The following AGBL4 variants were observed in gnomAD, a reference collection of about 807,000 sequenced individuals.
The protein encoded by AGBL4 is cytosolic carboxypeptidase 6.
Under a neutral mutation model 66.4 loss-of-function variants are expected in AGBL4, and 58 were observed. The observed-to-expected ratio is 0.87, with a 90% confidence interval of 0.71 to 1.09. AGBL4 has a LOEUF of 1.09. Among genes scored for constraint, AGBL4 ranks in the 50% least tolerant of loss-of-function variants. The pLI is 0.00. For synonymous variants in AGBL4, 234 were observed against 222.9 expected, an observed-to-expected ratio of 1.05 and a Z score of -0.44; for missense variants, 579 against 631.0, an observed-to-expected ratio of 0.92 and a Z score of 0.88.
chr1:49,787,458 A>G (rs935542170), intron 2 of AGBL4, among the ~76,000 whole-genome samples: 3 of 151,556 alleles, frequency 2.0e-5, no homozygotes, highest in South Asian at 4.2e-4. Context: ...AGCCGAGATC[A>G]AGCCACTGCA....
intron 2 of AGBL4, among the ~76,000 whole-genome samples, chr1:49,804,220 C>A (rs1055888167): frequency 6.6e-6 from 1 of 152,178 alleles, no homozygotes. Context: ...CCGTGTCCAA[C>A]CCTTTGAATG....
intron 4 of AGBL4, among the ~76,000 whole-genome samples, chr1:49,209,611 C>T (rs149943339): frequency 6.6e-6 from 1 of 152,206 alleles, no homozygotes; most frequent in Non-Finnish European, 1.5e-5. Flanking sequence ...AAGGCTTGAT[C>T]AGAGAAGGGC....
At chr1:49,163,155 T>A (rs1646570050) in intron 4 of AGBL4, among the ~76,000 whole-genome samples, 1 of 152,238 alleles carries the variant, frequency 6.6e-6, no homozygotes, top group African/African-American at 2.4e-5. Context: ...TGCCTCATCA[T>A]CAAGCTAGCA....
At chr1:49,769,702 C>A (rs1386288796) in intron 2 of AGBL4, among the ~76,000 whole-genome samples, 2 of 152,112 alleles carry the variant, frequency 1.3e-5, no homozygotes, top group African/African-American at 4.8e-5. Flanking sequence ...CCAACAAAAA[C>A]GATGGGGACA....
chr1:49,759,244 T>C (rs544551111), intron 2 of AGBL4, among the ~76,000 whole-genome samples: 2 of 152,252 alleles, frequency 1.3e-5, no homozygotes, highest in African/African-American at 2.4e-5. Context: ...CTCTGATATG[T>C]GATAAAAAAT....
intron 3 of AGBL4, among the ~76,000 whole-genome samples, chr1:49,560,518 G>A (rs947852730): frequency 6.6e-6 from 1 of 152,056 alleles, no homozygotes; most frequent in African/African-American, 2.4e-5. Context: ...TGGCCTCAAA[G>A]ACAAGACTGA....
chr1:48,531,410 A>AGC (rs1202571779), downstream of AGBL4, among the ~76,000 whole-genome samples: 1 of 152,134 alleles, frequency 6.6e-6, no homozygotes, highest in African/African-American at 2.4e-5. Context: ...CGGAGCATTC[A>AGC]GCTTCCAACC....
At chr1:49,270,388 G>T (rs1004559805) in intron 3 of AGBL4, among the ~76,000 whole-genome samples, 1 of 152,092 alleles carries the variant, frequency 6.6e-6, no homozygotes, top group African/African-American at 2.4e-5. Context: ...TCTCAAATTG[G>T]CTGGGTACCC....
intron 6 of AGBL4, among the ~76,000 whole-genome samples, chr1:48,842,603 T>G (rs1196498126): frequency 6.6e-6 from 1 of 152,152 alleles, no homozygotes; most frequent in East Asian, 1.9e-4. Context: ...TAAAGCAAAG[T>G]GGAATGGTGG....
intron 2 of AGBL4, among the ~76,000 whole-genome samples, chr1:49,744,015 T>C (rs1650783906): frequency 6.6e-6 from 1 of 151,928 alleles, no homozygotes. Context: ...GTAACAAATC[T>C]GCACGTTGTG....
chr1:49,323,982 T>C (rs146176566), intron 3 of AGBL4, among the ~76,000 whole-genome samples: 2 of 152,328 alleles, frequency 1.3e-5, no homozygotes, highest in African/African-American at 2.4e-5. Flanking sequence ...GTCAAAACTG[T>C]AATTAATTAC....
chr1:49,440,157 C>T (rs934804331), intron 3 of AGBL4, among the ~76,000 whole-genome samples: 2 of 149,836 alleles, frequency 1.3e-5, no homozygotes, highest in African/African-American at 2.5e-5. Flanking sequence ...GCAAGCTGTG[C>T]TTCCTGGGTT....
chr1:48,635,986 TC>T (rs2148416990), intron 8 of AGBL4, among the ~76,000 whole-genome samples: 1 of 152,324 alleles, frequency 6.6e-6, no homozygotes, highest in South Asian at 2.1e-4. Context: ...TGACATATCA[TC>T]CCATTATATG....
intron 1 of AGBL4, chr1:49,994,381 A>T (rs1420109633): frequency 6.6e-6 from 1 of 152,010 alleles, no homozygotes; most frequent in African/African-American, 2.4e-5. Flanking sequence ...AGGGGGAAAA[A>T]TAGACAGAAT....
In AGBL4 at chr1:49,434,912, T is replaced by C. The variant is rs147209893; in HGVS notation, c.283-189048A>G. Among the ~76,000 whole-genome samples the C allele has an allele frequency of 1.1e-4, 16 of 152,242 alleles. No homozygotes were observed. The East Asian group carries it at 2.1e-3, about 20-fold the overall frequency. On this transcript the variant is annotated intron_variant, in intron 3 of 13. Coordinates refer to ENST00000371839, the MANE Select transcript of AGBL4 (RefSeq NM_032785.4). ...CATCTCACTCTGGCATTCCCAAGTATTGGAGGTCTCGAGGGCCCACAGAGA... is the reference window on the plus strand; with the variant it reads ...CATCTCACTCTGGCATTCCCAAGTACTGGAGGTCTCGAGGGCCCACAGAGA...
rs1644548190 is a variant in AGBL4 at position 49,581,850 on chromosome 1, T to A, written c.282+115463A>T. Among the ~76,000 whole-genome samples the A allele has an allele frequency of 2.0e-5, 3 of 152,162 alleles. No homozygotes were observed. The South Asian group carries it at 6.2e-4, about 32-fold the overall frequency. ...CTTTCTTGCATGTCAATTGTAGTAG[T>A]GCTATACGAGGCAAGTGAGTGGGCT... On this transcript the variant is annotated intron_variant, in intron 3 of 13. Coordinates refer to ENST00000371839, the MANE Select transcript of AGBL4 (RefSeq NM_032785.4).
At position 49,418,779 on chromosome 1, in the gene AGBL4, A is replaced by C. The variant is rs117513865; in HGVS notation, c.283-172915T>G. 2.1e-3 allele frequency among the ~76,000 whole-genome samples: 315 copies of C among 152,354 alleles called. 3 individuals carry two copies. The East Asian group carries it at 0.032, about 15-fold the overall frequency. On this transcript the variant is annotated intron_variant, in intron 3 of 13. Transcript: ENST00000371839. ...GGAGAAAGTTATGAGGTAAGTCTAA[A>C]GATGTAGGCAAGTGCTAGTTCATTA...
intron 4 of AGBL4, among the ~76,000 whole-genome samples, chr1:49,114,301 C>A (rs1057241762): frequency 6.6e-6 from 1 of 152,164 alleles, no homozygotes; most frequent in African/African-American, 2.4e-5. Context: ...TATGAACCAA[C>A]CTCTGCTAAC....
chr1:49,188,877 C>G (rs1361038430), intron 4 of AGBL4, among the ~76,000 whole-genome samples: 7 of 152,064 alleles, frequency 4.6e-5, no homozygotes. Flanking sequence ...TCGTTAATAT[C>G]CAAAGAGTAA....
Sources: allele counts gnomAD v4.1 joint callset (sites outside exome capture counted in the v4.1 genomes callset), GRCh38; gene constraint gnomAD v4.1.1; transcripts MANE v1.5; gene names NCBI Gene and HGNC (gene_info 2026-07-23, HGNC 2026-07-21).